The following BASP1 variants were observed in gnomAD, a reference collection of about 807,000 sequenced individuals.
BASP1 encodes the protein brain abundant membrane attached signal protein 1.
In BASP1, 1 loss-of-function variant was observed where a neutral mutation model predicts 2.2. The ratio of observed to expected loss-of-function variants is 0.46; its 90% CI spans 0.16 to 2.17. The LOEUF (loss-of-function observed/expected upper bound fraction) is 2.17. Ranked by LOEUF, BASP1 falls within the 30% of genes most tolerant of loss-of-function variation. The probability of loss-of-function intolerance (pLI) is 0.27; values close to 1 mark genes in which losing one functional copy is unlikely to be tolerated. For missense variants in BASP1, 352 were observed against 327.2 expected (o/e 1.08, Z -0.58); for synonymous variants, 187 against 154.2 (o/e 1.21, Z -1.58).
chr5:17,243,492 T>C (rs1430347901), intron 1 of BASP1, among the ~76,000 whole-genome samples: 1 of 152,192 alleles, frequency 6.6e-6, no homozygotes, highest in East Asian at 1.9e-4. Context: ...GGTGTCTAAC[T>C]TGACACTATT....
In BASP1 at chr5:17,240,162, A is replaced by T. The variant is rs138684513; in HGVS notation, c.-10+22352A>T. On this transcript the variant is annotated intron_variant, in intron 1 of 1. Transcript: ENST00000322611. Reference sequence around the variant, plus strand: ...AATAAATAAATAAATAAATAAATAAATAAATAACAGGTTGGAGCCCAGGAG... The same window carrying T: ...AATAAATAAATAAATAAATAAATAATTAAATAACAGGTTGGAGCCCAGGAG... 3.1e-3 allele frequency among the ~76,000 whole-genome samples: 474 copies of T among 151,950 alleles called. 4 individuals are homozygous for T. Among genetic ancestry groups the T allele is most frequent in the African/African-American group, 0.011 (453 of 41,458 alleles).
intron 1 of BASP1, among the ~76,000 whole-genome samples, chr5:17,253,356 G>A (rs570071485): frequency 3.2e-4 from 49 of 152,220 alleles, no homozygotes; most frequent in Middle Eastern, 3.4e-3. Context: ...GACTACAGGC[G>A]TACGCCACCA....
Position 17,275,811 on chromosome 5 carries a change from G to A in BASP1, c.595G>A (p.Ala199Thr), listed in dbSNP as rs1740640057. The change falls in exon 2 of 2, where the codon GCC becomes ACC. Residue 199 changes from alanine (A) to threonine (T), a missense_variant. Ala to Thr is a moderately conservative substitution (Grantham distance 58, BLOSUM62 0). Coordinates refer to ENST00000322611, the MANE Select transcript of BASP1 (RefSeq NM_006317.5). This position sits in a 1 kb window ranked among gnomAD's most constrained non-coding sequence, Gnocchi z 5.3. Reference protein sequence around the residue: ...ATEAPSSTPKAQGPAASAEEP... With the variant: ...ATEAPSSTPKTQGPAASAEEP... ...GGAAGCGCCTAGTTCCACACCCAAG[G>A]CCCAGGGCCCCGCAGCCTCTGCAGA... 2 of 1,612,176 alleles carry A rather than the reference G, an allele frequency of 1.2e-6. No homozygotes were observed. Among genetic ancestry groups the A allele is most frequent in the South Asian group, 1.1e-5 (1 of 90,924 alleles).
chr5:17,235,732 A>G (rs1739729392), intron 1 of BASP1, among the ~76,000 whole-genome samples: 1 of 152,172 alleles, frequency 6.6e-6, no homozygotes, highest in African/African-American at 2.4e-5. Context: ...TCTGTCAACA[A>G]ATGAAAGACA....
At position 17,217,649 on chromosome 5, in the gene BASP1, G is replaced by T; in HGVS notation, c.-171G>T. On this transcript the variant is annotated 5_prime_UTR_variant, in exon 1 of 2. Coordinates refer to ENST00000322611, the MANE Select transcript of BASP1 (RefSeq NM_006317.5). The stretch of plus-strand genomic sequence containing the variant: ...CGGCGGCAGTAGCGGCAGCGGCGAC[G>T]ACGGCGGCGGCAGCGCTCCAACTGG... The T allele has an allele frequency of 6.3e-6, 1 of 157,536 alleles. No homozygotes were observed. The highest frequency in any genetic ancestry group is 1.7e-4 in the South Asian group (1 of 5,976). 9.8% of individuals were successfully genotyped at this position (157,536 alleles called of 1,614,324 possible).
intron 1 of BASP1, among the ~76,000 whole-genome samples, chr5:17,234,457 G>A (rs1392933586): frequency 6.6e-6 from 1 of 152,182 alleles, no homozygotes; most frequent in African/African-American, 2.4e-5. Flanking sequence ...TGAAACATCA[G>A]TGGCATTTGT....
At chr5:17,220,948 C>T (rs573274379) in intron 1 of BASP1, among the ~76,000 whole-genome samples, 2 of 152,066 alleles carry the variant, frequency 1.3e-5, no homozygotes, top group South Asian at 2.1e-4. Flanking sequence ...GTGTTATTTA[C>T]GGTAGTTTTG....
intron 1 of BASP1, among the ~76,000 whole-genome samples, chr5:17,233,432 C>A (rs1388807006): frequency 1.3e-5 from 2 of 152,176 alleles, no homozygotes; most frequent in Admixed American, 1.3e-4. Context: ...AGCTGATACT[C>A]CCTGGGTAAG....
At chr5:17,237,110 T>A (rs1579486173) in intron 1 of BASP1, among the ~76,000 whole-genome samples, 1 of 150,442 alleles carries the variant, frequency 6.6e-6, no homozygotes, top group African/African-American at 2.5e-5. Context: ...CTTTGGGAGG[T>A]CGAGGTGGGC....
chr5:17,246,808 C>T (rs944174350), intron 1 of BASP1, among the ~76,000 whole-genome samples: 54 of 152,166 alleles, frequency 3.5e-4, no homozygotes, highest in African/African-American at 1.3e-3. Context: ...CATTTTTGCT[C>T]CCTCTTAGCC....
intron 1 of BASP1, among the ~76,000 whole-genome samples, chr5:17,272,969 A>G (rs1196830298): frequency 2.0e-5 from 3 of 152,004 alleles, no homozygotes; most frequent in African/African-American, 7.2e-5. Flanking sequence ...TACTTACTGG[A>G]CCCCCTATGT....
chr5:17,254,104 A>AT (rs1199587964), intron 1 of BASP1, among the ~76,000 whole-genome samples: 5 of 152,134 alleles, frequency 3.3e-5, no homozygotes, highest in African/African-American at 1.2e-4. Flanking sequence ...ATATATATAT[A>AT]TTTTTTCTCA....
chr5:17,227,183 C>A (rs1055408098), intron 1 of BASP1, among the ~76,000 whole-genome samples: 2 of 150,934 alleles, frequency 1.3e-5, no homozygotes, highest in Non-Finnish European at 2.9e-5. Context: ...CCTGTCTTGG[C>A]CTCCCAAAGT....
intron 1 of BASP1, among the ~76,000 whole-genome samples, chr5:17,256,107 CT>C (rs1362426629): frequency 1.3e-5 from 2 of 152,200 alleles, no homozygotes; most frequent in Admixed American, 1.3e-4. Context: ...CTGCACCCCA[CT>C]TTTTTGCAGC....
rs1180898008 is a variant in BASP1 at position 17,231,792 on chromosome 5, C to A, written c.-10+13982C>A. ...CCTCTAGATTAAAACATCCAGGAGG[C>A]AGGGATGTGTCTGTTTTGTGGACCC... On this transcript the variant is annotated intron_variant, in intron 1 of 1. Coordinates refer to ENST00000322611, the MANE Select transcript of BASP1 (RefSeq NM_006317.5). Among the ~76,000 whole-genome samples the A allele has an allele frequency of 2.6e-5, 4 of 152,188 alleles. No homozygotes were observed. In the South Asian group the frequency reaches 8.3e-4, roughly 31 times the overall value.
intron 1 of BASP1, among the ~76,000 whole-genome samples, chr5:17,237,001 C>T (rs968127768): frequency 6.6e-6 from 1 of 152,076 alleles, no homozygotes; most frequent in Non-Finnish European, 1.5e-5. Context: ...AATCTACCAG[C>T]CCACCGGGTA....
intron 1 of BASP1, among the ~76,000 whole-genome samples, chr5:17,228,542 C>T (rs916282560): frequency 2.6e-5 from 4 of 152,216 alleles, no homozygotes; most frequent in African/African-American, 9.7e-5. Context: ...ATCTCTCCAC[C>T]TCACCCCAAA....
intron 1 of BASP1, among the ~76,000 whole-genome samples, chr5:17,252,422 T>C (rs928356295): frequency 7.9e-5 from 12 of 152,180 alleles, no homozygotes; most frequent in African/African-American, 2.7e-4. Flanking sequence ...TTTGTACTTG[T>C]GTAAAAACAG....
intron 1 of BASP1, among the ~76,000 whole-genome samples, chr5:17,235,410 G>A (rs189949022): frequency 4.4e-4 from 67 of 151,948 alleles, no homozygotes; most frequent in African/African-American, 1.4e-3. Flanking sequence ...ACAGGTGCCC[G>A]CCACCAGGCC....
Sources: gnomAD v4.1 joint callset for allele counts (sites outside exome capture counted in the v4.1 genomes callset) on GRCh38, gnomAD v4.1.1 for gene constraint, Gnocchi (gnomAD v3.1) non-coding constraint, MANE v1.5 for transcripts, NCBI Gene and HGNC (gene_info 2026-07-23, HGNC 2026-07-21) for gene names.